The following ARF5 variants were observed in gnomAD, a reference collection of about 807,000 sequenced individuals.
ARF5 encodes the protein ADP-ribosylation factor 5.
ARF5 carries 10 observed loss-of-function variants against 24.8 expected under a neutral mutation model. That is an observed-to-expected ratio of 0.40 (90% CI 0.25 to 0.68). ARF5 has a LOEUF of 0.68. ARF5 is among the 30% of genes least tolerant of loss of function. ARF5 has a pLI of 0.36. For missense variants in ARF5, 135 were observed against 239.2 expected (o/e 0.56, Z 2.87); for synonymous variants, 102 against 95.1 (o/e 1.07, Z -0.42).
In ARF5 at chr7:127,591,413, C is replaced by T; in HGVS notation, c.*114C>T. 1.1e-6 allele frequency: 1 copy of T among 869,648 alleles called. No homozygotes were observed. Among genetic ancestry groups the T allele is most frequent in the South Asian group, 1.8e-5 (1 of 54,274 alleles). The allele number at this position is 869,648 out of a possible 1,614,324, so 53.9% of individuals were successfully genotyped here. On this transcript the variant is annotated 3_prime_UTR_variant, in exon 6 of 6. Coordinates refer to ENST00000000233, the MANE Select transcript of ARF5 (RefSeq NM_001662.4). ...TCCTCCCACTTTTCCTCCCCCATAGCCACAGGCCTCTGCTCCTGCTCCTGC... is the reference window on the plus strand; with the variant it reads ...TCCTCCCACTTTTCCTCCCCCATAGTCACAGGCCTCTGCTCCTGCTCCTGC...
chr7:127,589,630 G>A (rs1183685529), intron 3 of ARF5, 36 bp downstream of exon 3: 1 of 1,523,214 alleles, frequency 6.6e-7, no homozygotes, highest in Non-Finnish European at 9.1e-7. Flanking sequence ...AACCCCACGG[G>A]AAAAGGTGTT....
intron 1 of ARF5, chr7:127,588,826 G>A: frequency 1.7e-6 from 1 of 575,656 alleles, no homozygotes; most frequent in Non-Finnish European, 3.0e-6. Context: ...TCCGCCCTTG[G>A]AGACGACTTT....
At chr7:127,590,863 C>CTTTTTTTTT in intron 4 of ARF5, 100 bp from the exon 5 acceptor site, 1 of 1,435,856 alleles carries the variant, frequency 7.0e-7, no homozygotes, top group Non-Finnish European at 9.4e-7. Context: ...CTGCACAATA[C>CTTTTTTTTT]TTTTTTTTTC....
At chr7:127,590,237 C>A in intron 4 of ARF5, 100 bp downstream of exon 4, 1 of 950,982 alleles carries the variant, frequency 1.1e-6, no homozygotes, top group Non-Finnish European at 1.7e-6. Flanking sequence ...GCATTGAAGA[C>A]CAGGAATATA....
rs370228882 is a variant in ARF5 at position 127,589,054 on chromosome 7, C to T, written c.68-29C>T. 9.3e-6 allele frequency: 15 copies of T among 1,613,278 alleles called. No individual in the cohort carries two copies. In the East Asian group the frequency reaches 2.7e-4, roughly 29 times the overall value. ...CTCTAGGGGGCTCCCTCGCTCCCATCTCCATCCCTGTGCCCCTTTCCGTTG... is the reference window on the plus strand; with the variant it reads ...CTCTAGGGGGCTCCCTCGCTCCCATTTCCATCCCTGTGCCCCTTTCCGTTG... On this transcript the variant is annotated intron_variant, in intron 1 of 5. Coordinates refer to ENST00000000233, the MANE Select transcript of ARF5 (RefSeq NM_001662.4).
chr7:127,588,667 C>T, intron 1 of ARF5, 102 bp downstream of exon 1: 3 of 1,135,868 alleles, frequency 2.6e-6, no homozygotes, highest in African/African-American at 1.6e-5. Flanking sequence ...TCTCTGGCCC[C>T]GAGTCACCCA....
chr7:127,589,684 G>T, intron 3 of ARF5, 90 bp downstream of exon 3: 1 of 1,105,452 alleles, frequency 9.0e-7, no homozygotes, highest in Non-Finnish European at 1.3e-6. Context: ...GGGCCCCCAG[G>T]CCAAGGAAAA....
intron 1 of ARF5, 38 bp downstream of exon 1, chr7:127,588,603 C>T (rs1174604533): frequency 2.3e-6 from 3 of 1,312,366 alleles, no homozygotes; most frequent in African/African-American, 3.1e-5. Context: ...ACCGGGGCGC[C>T]GGCCCCGGCG....
At chr7:127,588,787 C>T (rs1345457144) in intron 1 of ARF5, 4 of 576,720 alleles carry the variant, frequency 6.9e-6, no homozygotes, top group Non-Finnish European at 1.2e-5. Context: ...GCTCCCTCCG[C>T]CCCAGCCCGG....
intron 4 of ARF5, 149 bp from the exon 5 acceptor site, chr7:127,590,814 C>T: frequency 9.3e-7 from 1 of 1,080,946 alleles, no homozygotes; most frequent in African/African-American, 1.6e-5. Flanking sequence ...CAGGTCACCT[C>T]AAGCTCATTT....
At chr7:127,590,837 T>C in intron 4 of ARF5, 126 bp from the exon 5 acceptor site, 2 of 1,280,622 alleles carry the variant, frequency 1.6e-6, no homozygotes, top group Non-Finnish European at 2.1e-6. Flanking sequence ...AACTATGTCT[T>C]GTCTTCAACG....
At position 127,588,411 on chromosome 7, in the gene ARF5, C is replaced by T. The variant is rs1794235052; in HGVS notation, c.-88C>T. The stretch of plus-strand genomic sequence containing the variant: ...GCGGAGGCGGCGGCGGAGCCTCCTC[C>T]TGCTGCTGCTGCGCCCCATCCCCCC... On this transcript the variant is annotated 5_prime_UTR_variant, in exon 1 of 6. Transcript: ENST00000000233. 3.6e-6 allele frequency: 3 copies of T among 822,688 alleles called. No homozygotes were observed. The highest frequency in any genetic ancestry group is 3.6e-5 in the East Asian group (1 of 27,856). 51.0% of individuals were successfully genotyped at this position (822,688 alleles called of 1,614,324 possible).
In ARF5 at chr7:127,589,644, G is replaced by A. The variant is rs117589386; in HGVS notation, c.258+50G>A. The A allele has an allele frequency of 7.7e-3, 11,210 of 1,451,178 alleles. 48 individuals are homozygous for A. The highest frequency in any genetic ancestry group is 9.2e-3 in the Non-Finnish European group (9,583 of 1,045,500). The allele number at this position is 1,451,178 out of a possible 1,614,324, so 89.9% of individuals were successfully genotyped here. A position where few individuals can be genotyped will look rare whatever the true frequency, so the allele number is the denominator to read the frequency against. On this transcript the variant is annotated intron_variant, in intron 3 of 5. Coordinates refer to ENST00000000233, the MANE Select transcript of ARF5 (RefSeq NM_001662.4). ...TAACCCCACGGGAAAAGGTGTTAGG[G>A]CTGGGAGAACAGAATTGTTGGCCTA...
intron 1 of ARF5, 78 bp from the exon 2 acceptor site, chr7:127,589,005 T>C (rs1270835663): frequency 2.0e-6 from 3 of 1,514,416 alleles, no homozygotes; most frequent in African/African-American, 2.7e-5. Context: ...CCATCAGCTG[T>C]TGTGGCCTCT....
chr7:127,591,058 G>A lies in ARF5; in HGVS notation c.426G>A (p.Lys142=), dbSNP rs896833082. ...TGCCCGTGAGCGAGCTGACTGACAA[G>A]CTGGGGCTACAGCACTTACGCAGCC... ...NAMPVSELTD[K]LGLQHLRSRT... Residue 142 remains lysine, a synonymous_variant, in exon 5 of 6, where the codon AAG becomes AAA. Transcript: ENST00000000233. 1 of 1,613,992 alleles carries A rather than the reference G, an allele frequency of 6.2e-7. No individual in the cohort carries two copies. The highest frequency in any genetic ancestry group is 1.3e-5 in the African/African-American group (1 of 74,944).
At chr7:127,590,435 CA>C (rs1225058541) in intron 4 of ARF5, among the ~76,000 whole-genome samples, 1 of 151,940 alleles carries the variant, frequency 6.6e-6, no homozygotes, top group Non-Finnish European at 1.5e-5. Flanking sequence ...CGGGTTCAAG[CA>C]ATTCTCCTGC....
At position 127,590,801 on chromosome 7, in the gene ARF5, G is replaced by A. The variant is rs117416048; in HGVS notation, c.331-162G>A. 6.7e-3 allele frequency among the ~76,000 whole-genome samples: 1,026 copies of A among 152,338 alleles called. 8 individuals carry two copies. The highest frequency in any genetic ancestry group is 0.01 in the Non-Finnish European group (690 of 68,036). On this transcript the variant is annotated intron_variant, in intron 4 of 5. Coordinates refer to ENST00000000233, the MANE Select transcript of ARF5 (RefSeq NM_001662.4). ...AGGTCTTTCTTTTCTGGACTTATGG[G>A]CTCAGGTCACCTCAAGCTCATTTAC...
intron 5 of ARF5, 22 bp from the exon 6 acceptor site, chr7:127,591,191 C>T: frequency 6.2e-7 from 1 of 1,606,984 alleles, no homozygotes; most frequent in Non-Finnish European, 8.5e-7. Context: ...TTGCTGACCT[C>T]TTTCTTTCCT....
Position 127,591,460 on chromosome 7 carries a change from G to A in ARF5, c.*161G>A. 1.6e-6 allele frequency: 1 copy of A among 619,454 alleles called. No homozygotes were observed. 38.4% of individuals were successfully genotyped at this position (619,454 alleles called of 1,614,324 possible). On this transcript the variant is annotated 3_prime_UTR_variant, in exon 6 of 6. Coordinates refer to ENST00000000233, the MANE Select transcript of ARF5 (RefSeq NM_001662.4). ...CTGCCTGCATGTTCTCTCTGTTGTT[G>A]GAGCCTGGAGCCTTGCTCTCTGGGC...
Sources: allele counts gnomAD v4.1 joint callset (sites outside exome capture counted in the v4.1 genomes callset), GRCh38; gene constraint gnomAD v4.1.1; transcripts MANE v1.5; gene names NCBI Gene and HGNC (gene_info 2026-07-23, HGNC 2026-07-21).